JAKMIP2: variants seen among roughly 807,000 people sequenced by gnomAD.
The protein encoded by JAKMIP2 is janus kinase and microtubule-interacting protein 2.
Under a neutral mutation model 115.0 loss-of-function variants are expected in JAKMIP2, and 25 were observed. That is an observed-to-expected ratio of 0.22 (90% CI 0.16 to 0.30). The LOEUF (loss-of-function observed/expected upper bound fraction) is 0.30, where lower values mean the gene tolerates loss of function less well. JAKMIP2 is among the 10% of genes least tolerant of loss of function. JAKMIP2 has a pLI of 1.00. For synonymous variants in JAKMIP2, 334 were observed against 343.6 expected (o/e 0.97, Z 0.31); for missense variants, 642 against 957.6 (o/e 0.67, Z 4.35).
At chr5:147,611,945 A>G (rs1756348891) in intron 20 of JAKMIP2, among the ~76,000 whole-genome samples, 1 of 152,220 alleles carries the variant, frequency 6.6e-6, no homozygotes, top group Non-Finnish European at 1.5e-5. Flanking sequence ...ATGAATGATA[A>G]TGGGAAAGGT....
rs1561582502 is a variant in JAKMIP2, at chr5:147,764,942, GA to G, written c.-149+17513del. On this transcript the variant is annotated intron_variant, in intron 1 of 21. Coordinates refer to ENST00000616793, the MANE Select transcript of JAKMIP2 (RefSeq NM_001270941.2). ...AGAAAGAGAGAGAGAGAGAGAGAGA[GA>G]GAGGGAGAGAGAGAGAGAGAGAGGG... is the stretch of plus-strand genomic sequence containing the variant. Among the ~76,000 whole-genome samples the G allele has an allele frequency of 1.1e-4, 10 of 91,576 alleles. 2 individuals are homozygous for G. Among genetic ancestry groups the G allele is most frequent in the African/African-American group, 4.3e-4 (7 of 16,210 alleles). 60.1% of individuals were successfully genotyped at this position (91,576 alleles called of 152,430 possible).
chr5:147,626,992 A>ACACCATTTGT (rs1285267267), intron 16 of JAKMIP2, among the ~76,000 whole-genome samples: 1 of 152,080 alleles, frequency 6.6e-6, no homozygotes, highest in African/African-American at 2.4e-5. Flanking sequence ...GTGTCTTATG[A>ACACCATTTGT]GCATTCACAA....
At chr5:147,660,542 C>G (rs1174237718) in intron 3 of JAKMIP2, 5 of 430,336 alleles carry the variant, frequency 1.2e-5, no homozygotes, top group South Asian at 8.6e-5. Flanking sequence ...TCTATAAAAA[C>G]AAACAATAAA....
chr5:147,591,357 T>C lies in JAKMIP2; in HGVS notation c.*350A>G. The stretch of plus-strand genomic sequence containing the variant: ...ATATTTCATTGTAACTTTGGTTCCA[T>C]GCCCAAGACACATCTTTGCTTGATC... On this transcript the variant is annotated 3_prime_UTR_variant, in exon 22 of 22. Transcript: ENST00000616793. 1 of 311,552 alleles carries C rather than the reference T, an allele frequency of 3.2e-6. No homozygotes were observed. The highest frequency in any genetic ancestry group is 5.8e-6 in the Non-Finnish European group (1 of 171,848). 19.3% of individuals were successfully genotyped at this position (311,552 alleles called of 1,614,324 possible). A position where few individuals can be genotyped will look rare whatever the true frequency, so the allele number is the denominator to read the frequency against.
At chr5:147,670,698 T>A (rs933353369) in intron 2 of JAKMIP2, among the ~76,000 whole-genome samples, 4 of 152,236 alleles carry the variant, frequency 2.6e-5, no homozygotes, top group Non-Finnish European at 1.5e-5. Context: ...TTTTGTTCAA[T>A]CCTCATAAGC....
At chr5:147,593,309 C>T (rs116659707) in intron 21 of JAKMIP2, among the ~76,000 whole-genome samples, 121 of 152,310 alleles carry the variant, frequency 7.9e-4, no homozygotes, top group African/African-American at 2.8e-3. Flanking sequence ...CCCTGCACAC[C>T]CTTCTGAAGA....
intron 19 of JAKMIP2, among the ~76,000 whole-genome samples, chr5:147,613,386 GA>G (rs1561847538): frequency 1.3e-5 from 2 of 152,052 alleles, no homozygotes; most frequent in South Asian, 4.1e-4. Context: ...AATGGTAGGA[GA>G]AAAAAAGGGA....
Position 147,591,638 on chromosome 5 carries a change from G to A in JAKMIP2, c.*69C>T. 6.3e-7 allele frequency: 1 copy of A among 1,588,452 alleles called. No individual in the cohort carries two copies. The highest frequency in any genetic ancestry group is 8.6e-7 in the Non-Finnish European group (1 of 1,160,766). On this transcript the variant is annotated 3_prime_UTR_variant, in exon 22 of 22. Transcript: ENST00000616793. ...GTAAACAATTTTGCCATCTTTGAAGGTTTAGAAGCACTTGTCTTCCTGGGA... is the reference window on the plus strand; with the variant it reads ...GTAAACAATTTTGCCATCTTTGAAGATTTAGAAGCACTTGTCTTCCTGGGA...
At chr5:147,692,780 C>T (rs543940141) in intron 1 of JAKMIP2, among the ~76,000 whole-genome samples, 1 of 152,312 alleles carries the variant, frequency 6.6e-6, no homozygotes, top group East Asian at 1.9e-4. Flanking sequence ...AAAGCTCGCT[C>T]TCTCTTTCTC....
intron 1 of JAKMIP2, among the ~76,000 whole-genome samples, chr5:147,678,313 C>T (rs1475300746): frequency 1.3e-5 from 2 of 152,170 alleles, no homozygotes; most frequent in East Asian, 3.9e-4. Flanking sequence ...CCCCCTGGCC[C>T]GCTTAATCAC....
intron 1 of JAKMIP2, among the ~76,000 whole-genome samples, chr5:147,756,380 C>A (rs970465380): frequency 3.3e-5 from 5 of 152,164 alleles, no homozygotes; most frequent in Non-Finnish European, 7.4e-5. Flanking sequence ...TTCTAACCAC[C>A]CAGCCTTAGA....
At chr5:147,594,197 C>T (rs1006887395) in intron 21 of JAKMIP2, among the ~76,000 whole-genome samples, 3 of 152,200 alleles carry the variant, frequency 2.0e-5, no homozygotes, top group Admixed American at 6.5e-5. Flanking sequence ...AATTAGCATT[C>T]TGAGTTATTG....
intron 16 of JAKMIP2, among the ~76,000 whole-genome samples, chr5:147,624,971 T>A (rs1757028606): frequency 6.6e-6 from 1 of 151,934 alleles, no homozygotes; most frequent in East Asian, 1.9e-4. Flanking sequence ...GTACTATTTA[T>A]TTATTTATTT....
chr5:147,763,036 G>A (rs1754985760), intron 1 of JAKMIP2, among the ~76,000 whole-genome samples: 1 of 152,008 alleles, frequency 6.6e-6, no homozygotes. Flanking sequence ...CTAACCCGGA[G>A]CTAAATCTTT....
intron 1 of JAKMIP2, among the ~76,000 whole-genome samples, chr5:147,692,365 A>C (rs543919801): frequency 6.6e-6 from 1 of 152,244 alleles, no homozygotes; most frequent in East Asian, 1.9e-4. Context: ...GGCCTCCAGA[A>C]CTGTGAGAGG....
intron 9 of JAKMIP2, 29 bp from the exon 10 acceptor site, chr5:147,639,789 C>CA: frequency 6.2e-7 from 1 of 1,608,918 alleles, no homozygotes; most frequent in Non-Finnish European, 8.5e-7. Flanking sequence ...AGCCCCAAAA[C>CA]AATTGTGTTA....
intron 1 of JAKMIP2, among the ~76,000 whole-genome samples, chr5:147,690,523 T>C (rs1392086832): frequency 1.4e-5 from 2 of 137,944 alleles, no homozygotes; most frequent in Non-Finnish European, 3.1e-5. Flanking sequence ...GTCATTCATG[T>C]AAAAAACTAA....
chr5:147,629,783 TG>T (rs1242702248), intron 14 of JAKMIP2, 37 bp from the exon 15 acceptor site: 1 of 1,553,756 alleles, frequency 6.4e-7, no homozygotes, highest in East Asian at 2.2e-5. Flanking sequence ...CAAAGACAAA[TG>T]TGGCCTCCTA....
chr5:147,608,977 T>A (rs1756169378), intron 20 of JAKMIP2, among the ~76,000 whole-genome samples: 1 of 144,148 alleles, frequency 6.9e-6, no homozygotes, highest in African/African-American at 2.6e-5. Context: ...GTCGGTTTTA[T>A]CAGAGACTAG....
Sources: allele counts gnomAD v4.1 joint callset (sites outside exome capture counted in the v4.1 genomes callset), GRCh38; gene constraint gnomAD v4.1.1; transcripts MANE v1.5; gene names NCBI Gene and HGNC (gene_info 2026-07-23, HGNC 2026-07-21).